The following ZNRF1 variants were observed in gnomAD, a reference collection of about 807,000 sequenced individuals.
ZNRF1 encodes E3 ubiquitin-protein ligase ZNRF1.
ZNRF1 carries 3 observed loss-of-function variants against 18.4 expected under a neutral mutation model. That is an observed-to-expected ratio of 0.16 (90% CI 0.07 to 0.42). The LOEUF (loss-of-function observed/expected upper bound fraction) is 0.42. ZNRF1 is among the 10% of genes least tolerant of loss of function. The probability of loss-of-function intolerance (pLI) is 0.99; values close to 1 mark genes in which losing one functional copy is unlikely to be tolerated. For missense variants in ZNRF1, 310 were observed against 329.8 expected (o/e 0.94, Z 0.47); for synonymous variants, 157 against 144.2 (o/e 1.09, Z -0.64).
At chr16:75,062,058 T>G (rs1236612919) in intron 1 of ZNRF1, among the ~76,000 whole-genome samples, 1 of 152,220 alleles carries the variant, frequency 6.6e-6, no homozygotes, top group Non-Finnish European at 1.5e-5. Context: ...TGAAAAAATA[T>G]TCATGTTCTC....
At position 75,021,038 on chromosome 16, in the gene ZNRF1, T is replaced by C. The variant is rs1358624586; in HGVS notation, c.424+20943T>C. On this transcript the variant is annotated intron_variant, in intron 1 of 4. Transcript: ENST00000335325. ...ATCGGTATTACAATTCTACCTTGTT[T>C]TGTTTGTTTGTTTGTTTTTGAGGTG... Among the ~76,000 whole-genome samples, 3 of 152,224 alleles carry C rather than the reference T, an allele frequency of 2.0e-5. No homozygotes were observed. The East Asian group carries it at 5.8e-4, about 29-fold the overall frequency.
At chr16:75,048,634 T>C (rs1316812121) in intron 1 of ZNRF1, among the ~76,000 whole-genome samples, 2 of 152,226 alleles carry the variant, frequency 1.3e-5, no homozygotes, top group African/African-American at 4.8e-5. Flanking sequence ...CTCTCGAGAA[T>C]AGAACCATTA....
rs188918468 is a variant in ZNRF1, at chr16:75,044,375, C to A, written c.424+44280C>A. On this transcript the variant is annotated intron_variant, in intron 1 of 4. Transcript: ENST00000335325. ...CTAGGACTATAGGCATACAGGCATG[C>A]GCCACCATGCCCAGCTAATTTTTGT... Among the ~76,000 whole-genome samples the A allele has an allele frequency of 1.7e-4, 26 of 150,726 alleles. No homozygotes were observed. The South Asian group carries it at 5.5e-3, about 32-fold the overall frequency.
chr16:75,063,928 A>G (rs2035771566), intron 1 of ZNRF1, among the ~76,000 whole-genome samples: 1 of 152,198 alleles, frequency 6.6e-6, no homozygotes, highest in African/African-American at 2.4e-5. Context: ...GTTGGAGAAT[A>G]TGGAGCCAGT....
rs529002894 is a variant in ZNRF1, at chr16:75,045,638, G to A, written c.424+45543G>A. Reference sequence around the variant, plus strand: ...AGGCTGGCCTCCTGCCATGGCCATAGCATGGTCTTGACTTTGAGTGTGAAC... The same window carrying A: ...AGGCTGGCCTCCTGCCATGGCCATAACATGGTCTTGACTTTGAGTGTGAAC... On this transcript the variant is annotated intron_variant, in intron 1 of 4. Transcript: ENST00000335325. Among the ~76,000 whole-genome samples, 6 of 152,098 alleles carry A rather than the reference G, an allele frequency of 3.9e-5. No homozygotes were observed. The South Asian group carries it at 1.0e-3, about 26-fold the overall frequency.
Position 75,031,826 on chromosome 16 carries a change from T to G in ZNRF1, c.424+31731T>G, listed in dbSNP as rs1236408331. Among the ~76,000 whole-genome samples, 4 of 152,122 alleles carry G rather than the reference T, an allele frequency of 2.6e-5. No individual in the cohort carries two copies. The East Asian group carries it at 7.7e-4, about 29-fold the overall frequency. On this transcript the variant is annotated intron_variant, in intron 1 of 4. Coordinates refer to ENST00000335325, the MANE Select transcript of ZNRF1 (RefSeq NM_032268.5). The stretch of plus-strand genomic sequence containing the variant: ...TATATATACCTACGAGTAGAATTGC[T>G]CGGTCAGTTCTACTGTGTCGAGTCA...
chr16:75,017,329 A>G (rs978496798), intron 1 of ZNRF1, among the ~76,000 whole-genome samples: 1 of 152,210 alleles, frequency 6.6e-6, no homozygotes, highest in Admixed American at 6.5e-5. Flanking sequence ...CATGAATCTG[A>G]TAGAATTGAT....
At chr16:75,026,542 T>A (rs1052347992) in intron 1 of ZNRF1, among the ~76,000 whole-genome samples, 1 of 152,232 alleles carries the variant, frequency 6.6e-6, no homozygotes, top group Non-Finnish European at 1.5e-5. Context: ...TACTTCAGTG[T>A]TTGAACTCTT....
chr16:75,001,525 C>G (rs914803195), intron 1 of ZNRF1, among the ~76,000 whole-genome samples: 7 of 152,122 alleles, frequency 4.6e-5, no homozygotes, highest in African/African-American at 1.4e-4. Context: ...GCCTTTGGCT[C>G]TTTCAGGCAT....
At chr16:75,078,350 G>A (rs1430429604) in intron 1 of ZNRF1, among the ~76,000 whole-genome samples, 1 of 143,890 alleles carries the variant, frequency 6.9e-6, no homozygotes, top group Non-Finnish European at 1.5e-5. Context: ...CCAGGCTGGA[G>A]TGCAATGGCG....
intron 1 of ZNRF1, among the ~76,000 whole-genome samples, chr16:75,025,563 C>T (rs578108413): frequency 6.6e-6 from 1 of 152,240 alleles, no homozygotes; most frequent in Non-Finnish European, 1.5e-5. Flanking sequence ...AAGACTACCA[C>T]AGGAAAGATC....
intron 1 of ZNRF1, among the ~76,000 whole-genome samples, chr16:75,068,702 C>T (rs1397253763): frequency 6.6e-6 from 1 of 151,920 alleles, no homozygotes; most frequent in Non-Finnish European, 1.5e-5. Context: ...GCCCTGGGGT[C>T]TAGCATCTGT....
intron 1 of ZNRF1, among the ~76,000 whole-genome samples, chr16:75,082,229 A>G (rs1241266500): frequency 1.3e-5 from 2 of 152,016 alleles, no homozygotes; most frequent in Non-Finnish European, 2.9e-5. Context: ...TTGGACCATC[A>G]TGTCCCGGTC....
chr16:75,107,573 G>T (rs537569183), intron 4 of ZNRF1, 160 bp from the exon 5 acceptor site: 15 of 388,738 alleles, frequency 3.9e-5, no homozygotes, highest in Non-Finnish European at 6.8e-5. Context: ...AGTAGAACCT[G>T]CCCAGGCACA....
intron 1 of ZNRF1, among the ~76,000 whole-genome samples, chr16:75,049,144 A>G (rs1299934604): frequency 6.6e-6 from 1 of 151,932 alleles, no homozygotes. Flanking sequence ...AGCTGGGACT[A>G]CAGGTGTGCA....
intron 1 of ZNRF1, among the ~76,000 whole-genome samples, chr16:75,007,782 A>G (rs1007278944): frequency 6.6e-6 from 1 of 152,222 alleles, no homozygotes; most frequent in Admixed American, 6.5e-5. Context: ...TCCACCAAGC[A>G]TTTAGTTTTT....
chr16:75,106,138 A>C (rs2036313460), intron 3 of ZNRF1: 1 of 249,958 alleles, frequency 4.0e-6, no homozygotes, highest in Non-Finnish European at 8.1e-6. Context: ...AGCTGCCCTG[A>C]GGGGTCCACC....
intron 1 of ZNRF1, among the ~76,000 whole-genome samples, chr16:75,070,935 G>T (rs1347610035): frequency 6.6e-6 from 1 of 152,116 alleles, no homozygotes; most frequent in Admixed American, 6.5e-5. Flanking sequence ...TCATACTGGT[G>T]CTGCATAACA....
At position 75,045,176 on chromosome 16, in the gene ZNRF1, T is replaced by C. The variant is rs577816109; in HGVS notation, c.424+45081T>C. Among the ~76,000 whole-genome samples the C allele has an allele frequency of 2.6e-5, 4 of 152,288 alleles. No individual in the cohort carries two copies. The East Asian group carries it at 7.7e-4, about 29-fold the overall frequency. On this transcript the variant is annotated intron_variant, in intron 1 of 4. Coordinates refer to ENST00000335325, the MANE Select transcript of ZNRF1 (RefSeq NM_032268.5). Reference sequence around the variant, plus strand: ...GTGAGAGTTTTATTTGTTTGTTTGTTTTTAATTTAACCCACACCCATGCAA... The same window carrying C: ...GTGAGAGTTTTATTTGTTTGTTTGTCTTTAATTTAACCCACACCCATGCAA...
Sources: allele counts gnomAD v4.1 joint callset (sites outside exome capture counted in the v4.1 genomes callset), GRCh38; gene constraint gnomAD v4.1.1; transcripts MANE v1.5; gene names NCBI Gene and HGNC (gene_info 2026-07-23, HGNC 2026-07-21).